The following SUPT3H variants were observed in gnomAD, a reference collection of about 807,000 sequenced individuals.
The protein encoded by SUPT3H is SPT3 homolog, SAGA and STAGA complex component.
In SUPT3H, 44 loss-of-function variants were observed where a neutral mutation model predicts 44.3. The ratio of observed to expected loss-of-function variants is 0.99; its 90% CI spans 0.78 to 1.28. SUPT3H has a LOEUF of 1.28. Among genes scored for constraint, SUPT3H ranks in the 50% most tolerant of loss-of-function variants. SUPT3H has a pLI of 0.00. For missense variants in SUPT3H, 380 were observed against 387.1 expected, an observed-to-expected ratio of 0.98 and a Z score of 0.15; for synonymous variants, 124 against 125.6, an observed-to-expected ratio of 0.99 and a Z score of 0.09.
intron 2 of SUPT3H, among the ~76,000 whole-genome samples, chr6:45,277,180 T>G (rs891370432): frequency 1.3e-5 from 2 of 152,292 alleles, no homozygotes; most frequent in South Asian, 4.1e-4. Context: ...AATGTCAAAT[T>G]ATTATTATTA....
chr6:45,135,707 C>T (rs1222179268), intron 2 of SUPT3H, among the ~76,000 whole-genome samples: 1 of 152,178 alleles, frequency 6.6e-6, no homozygotes, highest in Non-Finnish European at 1.5e-5. Flanking sequence ...CAAACTTTGG[C>T]AGTCTGTAAT....
chr6:45,190,031 C>T (rs1475689037), intron 2 of SUPT3H, among the ~76,000 whole-genome samples: 1 of 152,148 alleles, frequency 6.6e-6, no homozygotes, highest in Non-Finnish European at 1.5e-5. Flanking sequence ...GAATGTTCTG[C>T]ACAACAATAT....
intron 3 of SUPT3H, among the ~76,000 whole-genome samples, chr6:45,043,681 A>C (rs988372287): frequency 1.3e-5 from 2 of 152,222 alleles, no homozygotes; most frequent in Non-Finnish European, 2.9e-5. Context: ...CTACTATGGA[A>C]GACTATACAC....
intron 2 of SUPT3H, among the ~76,000 whole-genome samples, chr6:45,143,596 G>A (rs923221452): frequency 2.0e-5 from 3 of 152,100 alleles, no homozygotes; most frequent in African/African-American, 7.2e-5. Flanking sequence ...ACATCAAATA[G>A]TCTGAAAGAG....
chr6:45,137,246 A>AAAT (rs1268977766), intron 2 of SUPT3H, among the ~76,000 whole-genome samples: 3 of 152,108 alleles, frequency 2.0e-5, no homozygotes, highest in Non-Finnish European at 4.4e-5. Context: ...ACCTTGTAAG[A>AAAT]AATACTAAGA....
chr6:44,911,741 T>C (rs533489860), intron 10 of SUPT3H, among the ~76,000 whole-genome samples: 56 of 152,300 alleles, frequency 3.7e-4, no homozygotes, highest in Middle Eastern at 3.4e-3. Flanking sequence ...TGTACCAGTG[T>C]AAGGGTAATA....
In SUPT3H at chr6:44,900,092, T is replaced by C. The variant is rs192791821; in HGVS notation, c.912+32561A>G. Among the ~76,000 whole-genome samples the C allele has an allele frequency of 2.6e-5, 4 of 152,282 alleles. No homozygotes were observed. The East Asian group carries it at 7.7e-4, about 29-fold the overall frequency. On this transcript the variant is annotated intron_variant, in intron 10 of 10. Transcript: ENST00000371459. ...CAGCTCCAGTCTACAGCTCCCAGCA[T>C]AAGCGACGCAGAAGACAGGTGATTT...
intron 2 of SUPT3H, among the ~76,000 whole-genome samples, chr6:45,280,469 G>A (rs1290592507): frequency 6.6e-6 from 1 of 151,702 alleles, no homozygotes; most frequent in Non-Finnish European, 1.5e-5. Context: ...TCATGCCACT[G>A]CAAAATCTCA....
intron 2 of SUPT3H, among the ~76,000 whole-genome samples, chr6:45,198,443 T>A (rs1816448840): frequency 6.6e-6 from 1 of 151,344 alleles, no homozygotes; most frequent in African/African-American, 2.4e-5. Context: ...CTCCTAATAC[T>A]TTGTTATATC....
chr6:45,208,287 G>A (rs1763521031), intron 2 of SUPT3H, among the ~76,000 whole-genome samples: 1 of 152,160 alleles, frequency 6.6e-6, no homozygotes, highest in Admixed American at 6.6e-5. Context: ...TTAGAAACTG[G>A]CAGATGTTGG....
intron 3 of SUPT3H, among the ~76,000 whole-genome samples, chr6:45,035,804 T>C (rs568501875): frequency 1.3e-5 from 2 of 152,022 alleles, no homozygotes; most frequent in African/African-American, 2.4e-5. Context: ...GAGTCTAGTA[T>C]ATTAGTAATT....
intron 3 of SUPT3H, among the ~76,000 whole-genome samples, chr6:45,064,033 G>GA (rs1792744554): frequency 1.5e-5 from 1 of 64,538 alleles, no homozygotes; most frequent in Non-Finnish European, 2.9e-5. Context: ...TGAAATGAAG[G>GA]AAAAAATGTT....
chr6:44,934,061 A>G (rs947515004), intron 9 of SUPT3H, among the ~76,000 whole-genome samples: 2 of 152,236 alleles, frequency 1.3e-5, no homozygotes, highest in African/African-American at 2.4e-5. Flanking sequence ...GCATATTACT[A>G]TAACGGGTCT....
At chr6:45,263,961 A>G (rs934144209) in intron 2 of SUPT3H, among the ~76,000 whole-genome samples, 1 of 152,178 alleles carries the variant, frequency 6.6e-6, no homozygotes, top group African/African-American at 2.4e-5. Flanking sequence ...GATTATGTAC[A>G]TCATTTGAAT....
intron 2 of SUPT3H, among the ~76,000 whole-genome samples, chr6:45,333,362 T>C (rs181230105): frequency 5.9e-5 from 9 of 151,708 alleles, no homozygotes; most frequent in Admixed American, 2.6e-4. Flanking sequence ...TACATTCCCA[T>C]ACAACTGTTT....
At chr6:45,181,658 T>A (rs943282160) in intron 2 of SUPT3H, among the ~76,000 whole-genome samples, 1 of 138,176 alleles carries the variant, frequency 7.2e-6, no homozygotes, top group Non-Finnish European at 1.5e-5. Flanking sequence ...TAAGTGGGAA[T>A]TGAACAATGA....
At chr6:44,896,419 T>C (rs187553367) in intron 10 of SUPT3H, among the ~76,000 whole-genome samples, 66 of 152,304 alleles carry the variant, frequency 4.3e-4, no homozygotes, top group African/African-American at 1.5e-3. Flanking sequence ...GGCACTATTA[T>C]TGGTCACATT....
chr6:45,218,866 C>A (rs183956038), intron 2 of SUPT3H, among the ~76,000 whole-genome samples: 20 of 152,172 alleles, frequency 1.3e-4, no homozygotes, highest in Non-Finnish European at 2.9e-4. Context: ...AGATAGACCA[C>A]GTCCTGAGCC....
At chr6:45,370,574 G>A (rs544692445) in intron 1 of SUPT3H, among the ~76,000 whole-genome samples, 1 of 152,122 alleles carries the variant, frequency 6.6e-6, no homozygotes, top group South Asian at 2.1e-4. Context: ...CTTTGTATAA[G>A]GATATAAGGA....
Sources: allele counts gnomAD v4.1 joint callset (sites outside exome capture counted in the v4.1 genomes callset), GRCh38; gene constraint gnomAD v4.1.1; transcripts MANE v1.5; gene names NCBI Gene and HGNC (gene_info 2026-07-23, HGNC 2026-07-21).